PPP1R12A: variants seen among roughly 807,000 people sequenced by gnomAD.
The protein encoded by PPP1R12A is protein phosphatase 1 regulatory subunit 12A.
In PPP1R12A, 19 loss-of-function variants were observed where a neutral mutation model predicts 139.6. The observed-to-expected ratio is 0.14, with a 90% CI of 0.09 to 0.20. The LOEUF is 0.20. Among genes scored for constraint, PPP1R12A ranks in the 10% least tolerant of loss-of-function variants. The pLI is 1.00. For missense variants in PPP1R12A, 925 were observed against 1,211.5 expected (o/e 0.76, Z 3.51); for synonymous variants, 427 against 420.6 (o/e 1.02, Z -0.19).
At chr12:79,810,079 A>ACTTATTGTTTC in intron 9 of PPP1R12A, 69 bp from the exon 10 acceptor site, 1 of 1,200,584 alleles carries the variant, frequency 8.3e-7, no homozygotes, top group Non-Finnish European at 1.2e-6. Context: ...TAAATTGGAA[A>ACTTATTGTTTC]CAATAAGTTT....
chr12:79,848,518 G>A (rs555465067), intron 2 of PPP1R12A, among the ~76,000 whole-genome samples: 1 of 152,116 alleles, frequency 6.6e-6, no homozygotes, highest in Admixed American at 6.5e-5. Flanking sequence ...AGCCAAATAC[G>A]GACAATACAG....
At chr12:79,912,146 G>A (rs559221796) in intron 1 of PPP1R12A, among the ~76,000 whole-genome samples, 2 of 151,980 alleles carry the variant, frequency 1.3e-5, no homozygotes, top group South Asian at 2.1e-4. Flanking sequence ...CTCCACCCTC[G>A]ACCATCAACT....
At chr12:79,932,989 A>C (rs1415976880) in intron 1 of PPP1R12A, among the ~76,000 whole-genome samples, 2 of 152,218 alleles carry the variant, frequency 1.3e-5, no homozygotes, top group African/African-American at 4.8e-5. Flanking sequence ...TAAAACGTGT[A>C]AAGTACACTT....
At chr12:79,800,025 A>C (rs1872919485) in intron 14 of PPP1R12A, among the ~76,000 whole-genome samples, 1 of 152,128 alleles carries the variant, frequency 6.6e-6, no homozygotes, top group Non-Finnish European at 1.5e-5. Context: ...ATAATTAAAG[A>C]GTCAAACAAG....
chr12:79,797,435 T>G (rs1285971054), intron 15 of PPP1R12A, 40 bp from the exon 16 acceptor site: 2 of 1,485,648 alleles, frequency 1.3e-6, no homozygotes, highest in African/African-American at 2.8e-5. Context: ...TGAGATGCAT[T>G]AAAGCTTGTT....
intron 9 of PPP1R12A, among the ~76,000 whole-genome samples, chr12:79,812,382 C>CGTG (rs1874662125): frequency 1.8e-5 from 2 of 112,952 alleles, no homozygotes; most frequent in Non-Finnish European, 3.3e-5. Context: ...TTGACTGACT[C>CGTG]TGTGTGTGCG....
At chr12:79,882,421 G>A (rs1366181135) in intron 1 of PPP1R12A, among the ~76,000 whole-genome samples, 1 of 152,070 alleles carries the variant, frequency 6.6e-6, no homozygotes, top group African/African-American at 2.4e-5. Flanking sequence ...TGGTATAAAC[G>A]GCAAGAGAAC....
chr12:79,796,878 T>G lies in PPP1R12A; in HGVS notation c.2365A>C (p.Ser789Arg), dbSNP rs1411368847. The G allele has an allele frequency of 6.2e-7, 1 of 1,611,770 alleles. No homozygotes were observed. Among genetic ancestry groups the G allele is most frequent in the South Asian group, 1.1e-5 (1 of 91,010 alleles). The change falls in exon 17 of 25, where the codon AGT (serine) becomes CGT (arginine). Residue 789 changes from serine (S) to arginine (R), a missense_variant. Transcript: ENST00000450142. ...AGTTGACTTGAAGCATACAGTGAACTGCTCATAGTAGAAAGTGAAGAGGAT... is the reference window on the plus strand; with the variant it reads ...AGTTGACTTGAAGCATACAGTGAACGGCTCATAGTAGAAAGTGAAGAGGAT... The part of the protein sequence containing the change: ...TPSSSLSTMS[S>R]SLYASSQLNR...
intron 22 of PPP1R12A, among the ~76,000 whole-genome samples, chr12:79,784,882 G>A (rs1188050973): frequency 6.6e-6 from 1 of 152,008 alleles, no homozygotes; most frequent in African/African-American, 2.4e-5. Flanking sequence ...CAGGTGATCC[G>A]CCCACCTTGG....
intron 1 of PPP1R12A, among the ~76,000 whole-genome samples, chr12:79,912,292 G>A (rs1032618298): frequency 6.6e-6 from 1 of 152,126 alleles, no homozygotes; most frequent in Non-Finnish European, 1.5e-5. Flanking sequence ...AATACAACTT[G>A]CATTGATACA....
At chr12:79,833,034 C>CGAAA (rs1877621872) in intron 3 of PPP1R12A, among the ~76,000 whole-genome samples, 1 of 152,098 alleles carries the variant, frequency 6.6e-6, no homozygotes, top group African/African-American at 2.4e-5. Flanking sequence ...AAGTTATTTT[C>CGAAA]ATAATTTTAG....
At chr12:79,844,664 A>G (rs554382092) in intron 3 of PPP1R12A, among the ~76,000 whole-genome samples, 2 of 152,288 alleles carry the variant, frequency 1.3e-5, no homozygotes, top group Admixed American at 6.5e-5. Context: ...AGTATAACAA[A>G]TCATGTCAAT....
chr12:79,879,926 T>C (rs1883472724), intron 1 of PPP1R12A, among the ~76,000 whole-genome samples: 1 of 151,914 alleles, frequency 6.6e-6, no homozygotes. Flanking sequence ...ACTTAAAATA[T>C]GTATTCCTTT....
intron 3 of PPP1R12A, among the ~76,000 whole-genome samples, chr12:79,834,901 C>T (rs750719371): frequency 1.4e-4 from 21 of 152,310 alleles, no homozygotes; most frequent in Middle Eastern, 3.4e-3. Context: ...ACCTTACTCT[C>T]ACCCCATCTG....
intron 3 of PPP1R12A, among the ~76,000 whole-genome samples, chr12:79,842,614 T>TGTGA (rs1565772501): frequency 6.7e-6 from 1 of 149,734 alleles, no homozygotes; most frequent in East Asian, 2.0e-4. Flanking sequence ...TGTGTGTGTG[T>TGTGA]GAGTCCTGCC....
At chr12:79,807,128 T>C (rs573698864) in intron 12 of PPP1R12A, 98 bp downstream of exon 12, 93 of 636,554 alleles carry the variant, frequency 1.5e-4, no homozygotes, top group Middle Eastern at 1.3e-3. Context: ...TAAAAACACA[T>C]ATTTGTTTAA....
intron 4 of PPP1R12A, among the ~76,000 whole-genome samples, chr12:79,829,783 T>C (rs562211418): frequency 2.6e-5 from 4 of 152,086 alleles, no homozygotes; most frequent in Non-Finnish European, 4.4e-5. Context: ...ATGTTAAATA[T>C]GCTGAGCAAC....
chr12:79,887,962 A>T (rs1884256452), intron 1 of PPP1R12A, among the ~76,000 whole-genome samples: 1 of 152,176 alleles, frequency 6.6e-6, no homozygotes, highest in Non-Finnish European at 1.5e-5. Context: ...GTCTTCCAAA[A>T]CAAAACATTA....
In PPP1R12A at chr12:79,921,548, G is replaced by A. The variant is rs998931467; in HGVS notation, c.237+13147C>T. Among the ~76,000 whole-genome samples the A allele has an allele frequency of 4.6e-5, 7 of 152,194 alleles. No homozygotes were observed. The South Asian group carries it at 6.2e-4, about 14-fold the overall frequency. ...TCCATTGATACTCTGGGTTAAGCCC[G>A]CCTAATAAAGCCTTTAATTTCACCT... On this transcript the variant is annotated intron_variant, in intron 1 of 24. Coordinates refer to ENST00000450142, the MANE Select transcript of PPP1R12A (RefSeq NM_002480.3).
Sources: gnomAD v4.1 joint callset for allele counts (sites outside exome capture counted in the v4.1 genomes callset) on GRCh38, gnomAD v4.1.1 for gene constraint, MANE v1.5 for transcripts, NCBI Gene and HGNC (gene_info 2026-07-23, HGNC 2026-07-21) for gene names.